DLG2: variants seen among roughly 807,000 people sequenced by gnomAD.
DLG2 encodes discs large MAGUK scaffold protein 2.
A neutral mutation model predicts 132.5 loss-of-function variants in DLG2; 45 were observed. The ratio of observed to expected loss-of-function variants is 0.34; its 90% CI spans 0.27 to 0.44. DLG2 has a LOEUF of 0.44. DLG2 is among the 20% of genes least tolerant of loss of function. The pLI, the probability that DLG2 is intolerant of heterozygous loss-of-function variation, is 1.00. For synonymous variants in DLG2, 424 were observed against 419.6 expected, an observed-to-expected ratio of 1.01 and a Z score of -0.13; for missense variants, 1,045 against 1,196.9, an observed-to-expected ratio of 0.87 and a Z score of 1.87.
chr11:84,059,707 C>A (rs2096561025), intron 10 of DLG2, among the ~76,000 whole-genome samples: 1 of 152,168 alleles, frequency 6.6e-6, no homozygotes, highest in Non-Finnish European at 1.5e-5. Context: ...TACTACTGGT[C>A]AGTTCCCATC....
At chr11:85,056,350 C>T (rs994630921) in intron 6 of DLG2, among the ~76,000 whole-genome samples, 8 of 151,788 alleles carry the variant, frequency 5.3e-5, no homozygotes, top group African/African-American at 1.7e-4. Context: ...AATTCAAAAA[C>T]TAAAAAATTC....
intron 18 of DLG2, among the ~76,000 whole-genome samples, chr11:83,694,235 TGGC>T (rs2081483084): frequency 6.6e-6 from 1 of 152,178 alleles, no homozygotes; most frequent in African/African-American, 2.4e-5. Flanking sequence ...GCAAGGTAAA[TGGC>T]TCTTCTGCTG....
intron 7 of DLG2, among the ~76,000 whole-genome samples, chr11:84,397,108 G>T (rs10898232): frequency 0.37 from 55,483 of 151,904 alleles, 15,291 homozygotes; most frequent in African/African-American, 0.78. Context: ...GATTCTTAAC[G>T]AATGAATGAA....
At chr11:83,797,385 CATTTT>C (rs2043089792) in intron 17 of DLG2, among the ~76,000 whole-genome samples, 1 of 152,130 alleles carries the variant, frequency 6.6e-6, no homozygotes, top group African/African-American at 2.4e-5. Flanking sequence ...CAACAATCCC[CATTTT>C]ACAGAGGTGG....
intron 3 of DLG2, among the ~76,000 whole-genome samples, chr11:85,533,108 C>A (rs1565646665): frequency 2.0e-5 from 3 of 152,170 alleles, no homozygotes; most frequent in Non-Finnish European, 4.4e-5. Flanking sequence ...ACTGCAACCT[C>A]CCCCTCCCGG....
At chr11:84,406,057 A>G (rs1339270772) in intron 7 of DLG2, among the ~76,000 whole-genome samples, 3 of 152,082 alleles carry the variant, frequency 2.0e-5, no homozygotes, top group Non-Finnish European at 4.4e-5. Flanking sequence ...TTTTCTGCCA[A>G]GAGTCATTTT....
rs539738191 is a variant in DLG2 at position 85,152,301 on chromosome 11, C to T, written c.282+2255G>A. On this transcript the variant is annotated intron_variant, in intron 5 of 27. Transcript: ENST00000376104. ...TGTCACCCATGCTGGAGTGCAGTGG[C>T]GCTATCTCAGCTCACTACAACCTCC... is the stretch of plus-strand genomic sequence containing the variant. Among the ~76,000 whole-genome samples, 80 of 150,598 alleles carry T rather than the reference C, an allele frequency of 5.3e-4. No individual in the cohort carries two copies. The South Asian group carries it at 7.3e-3, about 14-fold the overall frequency.
chr11:83,914,497 C>T (rs1590904026), intron 15 of DLG2, among the ~76,000 whole-genome samples: 1 of 152,280 alleles, frequency 6.6e-6, no homozygotes, highest in South Asian at 2.1e-4. Context: ...ACTGATTTGC[C>T]TTAACTTGAT....
At chr11:85,134,692 A>T (rs2152419114) in intron 5 of DLG2, among the ~76,000 whole-genome samples, 1 of 152,164 alleles carries the variant, frequency 6.6e-6, no homozygotes, top group Admixed American at 6.5e-5. Flanking sequence ...TGTCTCAGAA[A>T]CTGACATGTC....
chr11:84,253,735 T>C (rs1323438146), intron 7 of DLG2, among the ~76,000 whole-genome samples: 1 of 152,220 alleles, frequency 6.6e-6, no homozygotes, highest in Admixed American at 6.5e-5. Context: ...TGATGAGGCA[T>C]TATTATCACT....
intron 18 of DLG2, among the ~76,000 whole-genome samples, chr11:83,675,282 A>G (rs2077488722): frequency 6.6e-6 from 1 of 152,224 alleles, no homozygotes; most frequent in South Asian, 2.1e-4. Context: ...TGAAGCATTG[A>G]CATTTTGTTA....
At chr11:83,472,024 A>T (rs944624395) in intron 23 of DLG2, among the ~76,000 whole-genome samples, 1 of 152,166 alleles carries the variant, frequency 6.6e-6, no homozygotes, top group African/African-American at 2.4e-5. Context: ...ATAATGTCAA[A>T]ACAACTGAAT....
intron 6 of DLG2, among the ~76,000 whole-genome samples, chr11:84,895,747 T>G (rs149811725): frequency 1.2e-3 from 180 of 152,256 alleles, no homozygotes; most frequent in African/African-American, 4.2e-3. Context: ...TATTGACTAA[T>G]GTGAAGTTAT....
intron 7 of DLG2, among the ~76,000 whole-genome samples, chr11:84,387,957 T>G (rs2098777517): frequency 6.6e-6 from 1 of 152,166 alleles, no homozygotes; most frequent in Admixed American, 6.6e-5. Context: ...AAGCCAATTG[T>G]AGGGAGGGAA....
chr11:83,712,035 A>G (rs532577326), intron 18 of DLG2, among the ~76,000 whole-genome samples: 11 of 152,226 alleles, frequency 7.2e-5, no homozygotes, highest in Non-Finnish European at 1.5e-4. Context: ...GGTTGCAGGA[A>G]AAAAGTTGCA....
chr11:85,018,091 T>C (rs1201823860), intron 6 of DLG2, among the ~76,000 whole-genome samples: 1 of 152,180 alleles, frequency 6.6e-6, no homozygotes, highest in African/African-American at 2.4e-5. Flanking sequence ...TGGCACAGGA[T>C]AAGCAAATAG....
At chr11:83,717,849 G>A (rs758346548) in intron 18 of DLG2, among the ~76,000 whole-genome samples, 14 of 152,222 alleles carry the variant, frequency 9.2e-5, no homozygotes, top group Non-Finnish European at 1.5e-4. Flanking sequence ...TGCCTTAGGA[G>A]CCAGGTGCTA....
At chr11:83,494,334 T>A (rs757208548) in intron 21 of DLG2, among the ~76,000 whole-genome samples, 3 of 149,978 alleles carry the variant, frequency 2.0e-5, no homozygotes, top group Admixed American at 6.7e-5. Flanking sequence ...AATGGCACAC[T>A]AGATTATTTC....
intron 6 of DLG2, among the ~76,000 whole-genome samples, chr11:84,972,173 T>C (rs2054192261): frequency 1.3e-5 from 2 of 152,170 alleles, no homozygotes; most frequent in South Asian, 2.1e-4. Context: ...TCTTATACAA[T>C]GAACCCTTAT....
Sources: allele counts gnomAD v4.1 joint callset (sites outside exome capture counted in the v4.1 genomes callset), GRCh38; gene constraint gnomAD v4.1.1; transcripts MANE v1.5; gene names NCBI Gene and HGNC (gene_info 2026-07-23, HGNC 2026-07-21).